PDE1C: variants seen among roughly 807,000 people sequenced by gnomAD.
PDE1C encodes the protein phosphodiesterase 1C.
Under a neutral mutation model 93.1 loss-of-function variants are expected in PDE1C, and 62 were observed. That is an observed-to-expected ratio of 0.67 (90% CI 0.54 to 0.82). The LOEUF is 0.82. Among genes scored for constraint, PDE1C ranks in the 40% least tolerant of loss-of-function variants. The pLI is 0.00. For synonymous variants in PDE1C, 325 were observed against 310.1 expected, an observed-to-expected ratio of 1.05 and a Z score of -0.50; for missense variants, 742 against 884.6, an observed-to-expected ratio of 0.84 and a Z score of 2.04.
the PDE1C span, among the ~76,000 whole-genome samples, chr7:31,691,162 T>A: frequency 0.42 from 64,465 of 151,976 alleles, 16,396 homozygotes; most frequent in East Asian, 0.7. Flanking sequence ...ACAGAGTGAC[T>A]CTAAAAGCTG....
At chr7:31,707,476 T>G in the PDE1C span, 1 of 556,966 alleles carries the variant, frequency 1.8e-6, no homozygotes, top group African/African-American at 1.9e-5. Context: ...CTGAGTATGG[T>G]TTCTATTCTG....
At chr7:31,994,943 TA>T (rs1350187562) in intron 2 of PDE1C, among the ~76,000 whole-genome samples, 1 of 152,164 alleles carries the variant, frequency 6.6e-6, no homozygotes, top group African/African-American at 2.4e-5. Flanking sequence ...GAAAATGTAG[TA>T]AAAGCCTTTC....
chr7:31,661,180 A>C, the PDE1C span, among the ~76,000 whole-genome samples: 14 of 152,306 alleles, frequency 9.2e-5, no homozygotes, highest in Middle Eastern at 3.4e-3. Flanking sequence ...TTGTTGATGA[A>C]TATGATAGCC....
the PDE1C span, chr7:31,652,504 T>C: frequency 1.3e-6 from 2 of 1,574,250 alleles, no homozygotes; most frequent in Non-Finnish European, 1.7e-6. Flanking sequence ...TTTTTCCTCT[T>C]GTTTTCCTTT....
chr7:31,619,602 T>C, the PDE1C span, among the ~76,000 whole-genome samples: 2 of 152,138 alleles, frequency 1.3e-5, no homozygotes, highest in East Asian at 3.9e-4. Context: ...GAGTGTTCTT[T>C]TAACAGTTAA....
chr7:32,220,524 C>G (rs1806769083), intron 1 of PDE1C, among the ~76,000 whole-genome samples: 1 of 152,138 alleles, frequency 6.6e-6, no homozygotes, highest in African/African-American at 2.4e-5. Context: ...CATTAAGAAC[C>G]CTCTGGTCCA....
chr7:32,297,517 C>A (rs1413303513), intron 1 of PDE1C, among the ~76,000 whole-genome samples: 1 of 152,082 alleles, frequency 6.6e-6, no homozygotes, highest in African/African-American at 2.4e-5. Context: ...CTACTCACCT[C>A]CAAGGAAGAT....
In PDE1C at chr7:32,027,607, T is replaced by TA. The variant is rs551660766; in HGVS notation, c.128+23946dup. ...AAAAAAAAAAAACTATCAAAAATGG[T>TA]AAAAAAAAAAAAAAAAAAAAAAAAA... On this transcript the variant is annotated intron_variant, in intron 2 of 17. Transcript: ENST00000396191. Among the ~76,000 whole-genome samples the TA allele has an allele frequency of 3.7e-4, 29 of 78,470 alleles. 1 individual carries two copies. Among genetic ancestry groups the TA allele is most frequent in the Admixed American group, 6.1e-4 (4 of 6,546 alleles). 51.5% of individuals were successfully genotyped at this position (78,470 alleles called of 152,430 possible).
chr7:32,298,946 G>A, exon 1 of PDE1C: 1 of 1,317,398 alleles, frequency 7.6e-7, no homozygotes. Context: ...GAGCTCGGCG[G>A]AGGCAGGAGC....
intron 6 of PDE1C, among the ~76,000 whole-genome samples, chr7:31,870,844 C>A (rs1462599934): frequency 6.6e-6 from 1 of 151,868 alleles, no homozygotes; most frequent in Non-Finnish European, 1.5e-5. Context: ...GATCACACTA[C>A]ATAAATTCAA....
chr7:31,815,644 T>TA (rs1215093268), intron 15 of PDE1C, among the ~76,000 whole-genome samples: 8 of 145,060 alleles, frequency 5.5e-5, no homozygotes, highest in Non-Finnish European at 1.1e-4. Flanking sequence ...TCATGGTAAT[T>TA]TTCCCCCAGC....
intron 2 of PDE1C, among the ~76,000 whole-genome samples, chr7:32,004,470 T>C (rs1199199683): frequency 6.6e-6 from 1 of 152,180 alleles, no homozygotes; most frequent in Non-Finnish European, 1.5e-5. Context: ...CTTCAGGAAC[T>C]GTTAAGGGAT....
chr7:31,961,814 C>A (rs115708524), intron 2 of PDE1C, among the ~76,000 whole-genome samples: 2,677 of 152,182 alleles, frequency 0.018, 78 homozygotes, highest in African/African-American at 0.061. Context: ...AAACCAACAC[C>A]AATAAAAATA....
At chr7:31,624,204 AT>A in the PDE1C span, among the ~76,000 whole-genome samples, 13 of 148,024 alleles carry the variant, frequency 8.8e-5, no homozygotes, top group Admixed American at 5.4e-4. Context: ...GCCCAAGGTA[AT>A]TTATAGATTC....
At chr7:31,687,669 C>T in the PDE1C span, among the ~76,000 whole-genome samples, 1 of 152,214 alleles carries the variant, frequency 6.6e-6, no homozygotes, top group Non-Finnish European at 1.5e-5. Context: ...TCAGTCTCTC[C>T]TCCAGGAATA....
intron 1 of PDE1C, among the ~76,000 whole-genome samples, chr7:32,230,087 C>T (rs963794548): frequency 1.3e-5 from 2 of 152,148 alleles, no homozygotes; most frequent in Non-Finnish European, 2.9e-5. Context: ...CCTGTCAGGT[C>T]CTGGGAGGGA....
At chr7:31,995,527 A>T (rs1784615723) in intron 2 of PDE1C, among the ~76,000 whole-genome samples, 1 of 152,162 alleles carries the variant, frequency 6.6e-6, no homozygotes, top group South Asian at 2.1e-4. Context: ...AAATTACAAC[A>T]TAATTATCAT....
intron 2 of PDE1C, among the ~76,000 whole-genome samples, chr7:31,917,930 A>G: frequency 6.6e-6 from 1 of 152,218 alleles, no homozygotes; most frequent in East Asian, 1.9e-4. Flanking sequence ...CCCTATGGAA[A>G]AAATAACACT....
chr7:31,620,316 C>A, the PDE1C span, among the ~76,000 whole-genome samples: 1 of 151,572 alleles, frequency 6.6e-6, no homozygotes, highest in Non-Finnish European at 1.5e-5. Flanking sequence ...TCAAGTGGGT[C>A]CCTGACCCCT....
Sources: allele counts gnomAD v4.1 joint callset (sites outside exome capture counted in the v4.1 genomes callset), GRCh38; gene constraint gnomAD v4.1.1; transcripts MANE v1.5; gene names NCBI Gene and HGNC (gene_info 2026-07-23, HGNC 2026-07-21).